FGF12: variants seen among roughly 807,000 people sequenced by gnomAD.
FGF12 encodes fibroblast growth factor 12B.
FGF12 carries 14 observed loss-of-function variants against 23.6 expected under a neutral mutation model. The ratio of observed to expected loss-of-function variants is 0.59; its 90% CI spans 0.39 to 0.93. FGF12 has a LOEUF of 0.93. FGF12 is among the 40% of genes least tolerant of loss of function. The pLI is 0.00. For missense variants in FGF12, 175 were observed against 217.8 expected, an observed-to-expected ratio of 0.80 and a Z score of 1.24; for synonymous variants, 62 against 77.3, an observed-to-expected ratio of 0.80 and a Z score of 1.04.
rs1250412345 is a variant in FGF12, at chr3:192,409,809, G to A, written c.14-49271C>T. Reference sequence around the variant, plus strand: ...GCGCTTGGGGCCGGAGGCGGAATCAGGGGCCGGGGCCAGGAGGCAGGTGCA... The same window carrying A: ...GCGCTTGGGGCCGGAGGCGGAATCAAGGGCCGGGGCCAGGAGGCAGGTGCA... On this transcript the variant is annotated intron_variant, in intron 2 of 5. Coordinates refer to ENST00000445105, the MANE Select transcript of FGF12 (RefSeq NM_004113.6). This position sits in a 1 kb window ranked among gnomAD's most constrained non-coding sequence, Gnocchi z 4.8. Among the ~76,000 whole-genome samples, 1 of 152,042 alleles carries A rather than the reference G, an allele frequency of 6.6e-6. No homozygotes were observed. The highest frequency in any genetic ancestry group is 2.4e-5 in the African/African-American group (1 of 41,438).
chr3:192,275,044 T>G (rs759619788), intron 4 of FGF12, among the ~76,000 whole-genome samples: 1 of 152,220 alleles, frequency 6.6e-6, no homozygotes, highest in African/African-American at 2.4e-5. Context: ...AGATTAAAGA[T>G]GATTAGTATC....
intron 4 of FGF12, among the ~76,000 whole-genome samples, chr3:192,253,503 G>GAAA (rs1175413757): frequency 6.6e-6 from 1 of 152,064 alleles, no homozygotes; most frequent in Non-Finnish European, 1.5e-5. Flanking sequence ...TTTAGCTTTA[G>GAAA]TTAACAGTAA....
chr3:192,671,241 T>C (rs1717103622), intron 2 of FGF12, among the ~76,000 whole-genome samples: 1 of 152,196 alleles, frequency 6.6e-6, no homozygotes, highest in African/African-American at 2.4e-5. Flanking sequence ...AAGAGAGTGA[T>C]GTGATTGTTT....
chr3:192,648,196 AT>A (rs1457128793), intron 2 of FGF12, among the ~76,000 whole-genome samples: 2 of 152,074 alleles, frequency 1.3e-5, no homozygotes, highest in African/African-American at 4.8e-5. Flanking sequence ...TGTTATTTTT[AT>A]TATTGTAGGA....
intron 4 of FGF12, among the ~76,000 whole-genome samples, chr3:192,289,780 A>G (rs1431459198): frequency 1.3e-5 from 2 of 152,208 alleles, no homozygotes; most frequent in South Asian, 2.1e-4. Flanking sequence ...TAGATGTCCA[A>G]TAAATGCCAG....
chr3:192,348,952 C>CTGAT (rs1248325412), intron 3 of FGF12, among the ~76,000 whole-genome samples: 1 of 152,102 alleles, frequency 6.6e-6, no homozygotes, highest in East Asian at 1.9e-4. Flanking sequence ...TTACTATTAT[C>CTGAT]TGATATGTCC....
At chr3:192,197,708 G>C (rs931748030) in intron 4 of FGF12, among the ~76,000 whole-genome samples, 5 of 152,114 alleles carry the variant, frequency 3.3e-5, no homozygotes, top group African/African-American at 1.2e-4. Context: ...ATTTTGGGAG[G>C]CCGAGGCGGG....
chr3:192,437,632 A>G (rs1722068078), intron 2 of FGF12, among the ~76,000 whole-genome samples: 1 of 152,130 alleles, frequency 6.6e-6, no homozygotes, highest in Non-Finnish European at 1.5e-5. Context: ...CGGAGGTTGC[A>G]GTGAGCCAAG....
At chr3:192,634,682 C>A (rs1485479116) in intron 2 of FGF12, among the ~76,000 whole-genome samples, 2 of 151,830 alleles carry the variant, frequency 1.3e-5, no homozygotes, top group South Asian at 2.1e-4. Flanking sequence ...AGAAGGTGTA[C>A]AATAAATCAC....
At chr3:192,696,972 G>A (rs1718145368) in intron 2 of FGF12, among the ~76,000 whole-genome samples, 1 of 151,958 alleles carries the variant, frequency 6.6e-6, no homozygotes, top group Non-Finnish European at 1.5e-5. Flanking sequence ...TTTCTATTTA[G>A]TACAGCATTT....
At chr3:192,690,057 C>T (rs954865769) in intron 2 of FGF12, among the ~76,000 whole-genome samples, 39 of 151,970 alleles carry the variant, frequency 2.6e-4, no homozygotes, top group African/African-American at 9.2e-4. Flanking sequence ...CATAGCAAAG[C>T]TGTCTTTCAG....
chr3:192,412,291 T>C (rs1721223037), intron 2 of FGF12, among the ~76,000 whole-genome samples: 1 of 152,132 alleles, frequency 6.6e-6, no homozygotes, highest in South Asian at 2.1e-4. Flanking sequence ...TTATGAGATA[T>C]GAGGGTGTGC....
At chr3:192,491,471 T>C (rs1369173761) in intron 2 of FGF12, among the ~76,000 whole-genome samples, 1 of 152,168 alleles carries the variant, frequency 6.6e-6, no homozygotes, top group Non-Finnish European at 1.5e-5. Context: ...AAGGCAGCTG[T>C]AGTGTAGAAG....
chr3:192,591,932 A>T (rs13060041), intron 2 of FGF12, among the ~76,000 whole-genome samples: 17,726 of 151,628 alleles, frequency 0.12, 1,357 homozygotes, highest in Non-Finnish European at 0.14. Context: ...TTTTTGCCAC[A>T]GTACATAATC....
rs1577030291 is a variant in FGF12, at chr3:192,514,621, G to A, written c.14-154083C>T. 1 of 866,116 alleles carries A rather than the reference G, an allele frequency of 1.2e-6. No homozygotes were observed. Among genetic ancestry groups the A allele is most frequent in the East Asian group, 1.2e-4 (1 of 8,242 alleles). 53.7% of individuals were successfully genotyped at this position (866,116 alleles called of 1,614,324 possible). A position where few individuals can be genotyped will look rare whatever the true frequency, so the allele number is the denominator to read the frequency against. On this transcript the variant is annotated intron_variant, in intron 2 of 5. Coordinates refer to ENST00000445105, the MANE Select transcript of FGF12 (RefSeq NM_004113.6). The surrounding 1 kb of genome is among the most constrained non-coding windows in gnomAD (Gnocchi z 4.9). ...GAGAGGGCCCCGGAAGAAGGGAAGG[G>A]GGCATTCTGCAGTGTTTGGGGGCTG...
chr3:192,320,057 C>G (rs1265656374), intron 4 of FGF12, among the ~76,000 whole-genome samples: 1 of 152,008 alleles, frequency 6.6e-6, no homozygotes, highest in Non-Finnish European at 1.5e-5. Flanking sequence ...ACGTAGAGTG[C>G]CTGCATAGAT....
At chr3:192,497,961 G>A (rs375128320) in intron 2 of FGF12, among the ~76,000 whole-genome samples, 11 of 151,672 alleles carry the variant, frequency 7.3e-5, no homozygotes, top group African/African-American at 2.7e-4. Context: ...ATAGCACCTG[G>A]CAAACAGTAG....
intron 2 of FGF12, among the ~76,000 whole-genome samples, chr3:192,696,094 G>C (rs1290465916): frequency 3.3e-5 from 5 of 151,528 alleles, no homozygotes; most frequent in African/African-American, 9.7e-5. Context: ...GAAAGATTCT[G>C]TTTAATGGTG....
intron 2 of FGF12, among the ~76,000 whole-genome samples, chr3:192,702,372 T>C (rs1718326424): frequency 6.6e-6 from 1 of 152,220 alleles, no homozygotes; most frequent in Admixed American, 6.5e-5. Context: ...ACAAATGTGC[T>C]ATAAGTGTTA....
Sources: allele counts gnomAD v4.1 joint callset (sites outside exome capture counted in the v4.1 genomes callset), GRCh38; gene constraint gnomAD v4.1.1; non-coding constraint Gnocchi (gnomAD v3.1); transcripts MANE v1.5; gene names NCBI Gene and HGNC (gene_info 2026-07-23, HGNC 2026-07-21).